ARHGAP44: variants seen among roughly 807,000 people sequenced by gnomAD.
ARHGAP44 encodes rho GTPase-activating protein 44.
Under a neutral mutation model 106.8 loss-of-function variants are expected in ARHGAP44, and 43 were observed. The observed-to-expected ratio is 0.40, with a 90% confidence interval of 0.32 to 0.52. ARHGAP44 has a LOEUF of 0.52. ARHGAP44 is among the 20% of genes least tolerant of loss of function. ARHGAP44 has a pLI of 0.48. For missense variants in ARHGAP44, 866 were observed against 1,050.5 expected (o/e 0.82, Z 2.43); for synonymous variants, 439 against 410.3 (o/e 1.07, Z -0.85).
intron 1 of ARHGAP44, among the ~76,000 whole-genome samples, chr17:12,883,384 T>C (rs2036793845): frequency 6.6e-6 from 1 of 151,736 alleles, no homozygotes; most frequent in Non-Finnish European, 1.5e-5. Flanking sequence ...AGTTTCTTTT[T>C]TTATTGTTTT....
chr17:12,852,731 C>T (rs149604752), intron 1 of ARHGAP44, among the ~76,000 whole-genome samples: 1 of 152,028 alleles, frequency 6.6e-6, no homozygotes, highest in African/African-American at 2.4e-5. Context: ...TTAGTAGAGA[C>T]GGGGTTTCAC....
intron 16 of ARHGAP44, among the ~76,000 whole-genome samples, chr17:12,963,438 C>T (rs915373902): frequency 2.6e-5 from 4 of 152,230 alleles, no homozygotes; most frequent in African/African-American, 7.2e-5. Context: ...AGCCCTCAAG[C>T]CCAGCTGAGC....
intron 1 of ARHGAP44, among the ~76,000 whole-genome samples, chr17:12,856,602 T>C (rs1433461697): frequency 6.6e-6 from 1 of 152,152 alleles, no homozygotes; most frequent in Non-Finnish European, 1.5e-5. Flanking sequence ...TTTCTAAACT[T>C]TTGAAAGGCT....
chr17:12,896,051 A>G (rs1458334120), intron 2 of ARHGAP44, among the ~76,000 whole-genome samples: 1 of 146,836 alleles, frequency 6.8e-6, no homozygotes, highest in East Asian at 2.1e-4. Flanking sequence ...GGAATTGAAC[A>G]ATGAGAACAC....
intron 5 of ARHGAP44, among the ~76,000 whole-genome samples, chr17:12,918,357 A>T (rs1289753600): frequency 5.3e-5 from 8 of 152,042 alleles, no homozygotes; most frequent in African/African-American, 1.9e-4. Context: ...TTCTCCTCGA[A>T]TTTTTTCCTT....
chr17:12,872,702 A>G (rs1174982838), intron 1 of ARHGAP44, among the ~76,000 whole-genome samples: 2 of 152,260 alleles, frequency 1.3e-5, no homozygotes, highest in South Asian at 2.1e-4. Context: ...CTCACAGTTC[A>G]GGACCTTTCA....
Position 12,789,755 on chromosome 17 carries a change from C to CG in ARHGAP44, c.-83dup. ...CGCCGCCGTCGCCCGGGAGGCTCCGCGCGGGAGCCATGTAACCCTGCGGCG... is the reference window on the plus strand; with the variant it reads ...CGCCGCCGTCGCCCGGGAGGCTCCGCGGCGGGAGCCATGTAACCCTGCGGCG... On this transcript the variant is annotated 5_prime_UTR_variant, in exon 1 of 21. Transcript: ENST00000379672. 7.9e-7 allele frequency: 1 copy of CG among 1,259,328 alleles called. No homozygotes were observed. The highest frequency in any genetic ancestry group is 1.0e-6 in the Non-Finnish European group (1 of 969,900). The allele number at this position is 1,259,328 out of a possible 1,614,324, so 78.0% of individuals were successfully genotyped here.
intron 1 of ARHGAP44, among the ~76,000 whole-genome samples, chr17:12,823,673 T>C (rs1320898601): frequency 6.6e-6 from 1 of 152,156 alleles, no homozygotes; most frequent in Non-Finnish European, 1.5e-5. Context: ...GTTTCCTCCA[T>C]CAACATTTGA....
Position 12,919,832 on chromosome 17 carries a change from G to T in ARHGAP44, c.464+1G>T. On this transcript the variant is annotated splice_donor_variant, in intron 6 of 20. Transcript: ENST00000379672. LOFTEE classifies it high-confidence loss of function. ...TGGACATGGATTCCTCACGAACCAG[G>T]TAGAATCTCTTTACTTTCTTTTTTG... The T allele has an allele frequency of 6.2e-7, 1 of 1,611,156 alleles. No homozygotes were observed. The highest frequency in any genetic ancestry group is 8.5e-7 in the Non-Finnish European group (1 of 1,178,704).
At chr17:12,822,516 G>C (rs1045747120) in intron 1 of ARHGAP44, among the ~76,000 whole-genome samples, 5 of 152,138 alleles carry the variant, frequency 3.3e-5, no homozygotes, top group Non-Finnish European at 5.9e-5. Context: ...GGTCTATGAA[G>C]CATAAGTAAG....
In ARHGAP44 at chr17:12,975,216, CAG is replaced by C. The variant is rs545211846; in HGVS notation, c.1763+908_1763+909del. Among the ~76,000 whole-genome samples the C allele has an allele frequency of 1.4e-4, 21 of 152,262 alleles. No individual in the cohort carries two copies. The South Asian group carries it at 4.4e-3, about 32-fold the overall frequency. ...AGTTGACCACAGGTAACTGAAACTA[CAG>C]AAAGTAAAACCACGGATAAGGGGGA... On this transcript the variant is annotated intron_variant, in intron 18 of 20. Transcript: ENST00000379672.
rs1366561591 is a variant in ARHGAP44 at position 12,907,755 on chromosome 17, T to G, written c.199-1142T>G. Among the ~76,000 whole-genome samples, 3 of 152,372 alleles carry G rather than the reference T, an allele frequency of 2.0e-5. No homozygotes were observed. The East Asian group carries it at 5.8e-4, about 29-fold the overall frequency. On this transcript the variant is annotated intron_variant, in intron 3 of 20. Transcript: ENST00000379672. Reference sequence around the variant, plus strand: ...TGAGTTGTTCCCACCTTTTGGCCTTTGTGAATAGTGTTGCTCTTCACATTT... The same window carrying G: ...TGAGTTGTTCCCACCTTTTGGCCTTGGTGAATAGTGTTGCTCTTCACATTT...
At chr17:12,913,990 AG>A (rs1313951195) in intron 4 of ARHGAP44, among the ~76,000 whole-genome samples, 1 of 147,340 alleles carries the variant, frequency 6.8e-6, no homozygotes, top group African/African-American at 2.5e-5. Flanking sequence ...AAAAAAAAAA[AG>A]GCACCATTAA....
At chr17:12,922,801 G>T (rs2038123297) in intron 6 of ARHGAP44, among the ~76,000 whole-genome samples, 1 of 152,124 alleles carries the variant, frequency 6.6e-6, no homozygotes, top group South Asian at 2.1e-4. Context: ...GTTTCGCCAT[G>T]TTGGCCAGGC....
chr17:12,868,903 A>G (rs1194894367), intron 1 of ARHGAP44, among the ~76,000 whole-genome samples: 3 of 151,378 alleles, frequency 2.0e-5, no homozygotes, highest in Middle Eastern at 3.2e-3. Context: ...TGATCCACCC[A>G]CCTTGGCCTC....
chr17:12,903,126 G>GGAGAGAGAGAGA lies in ARHGAP44; in HGVS notation c.199-5767_199-5756dup, dbSNP rs1555553546. On this transcript the variant is annotated intron_variant, in intron 3 of 20. Coordinates refer to ENST00000379672, the MANE Select transcript of ARHGAP44 (RefSeq NM_014859.6). ...AGAGAGAGAGAGAGAGAGAGAGAGAGGAGAGAGAGAGAGAGTGTGTGTGTG... is the reference window on the plus strand; with the variant it reads ...AGAGAGAGAGAGAGAGAGAGAGAGAGGAGAGAGAGAGAGAGAGAGAGAGAGAGTGTGTGTGTG... Among the ~76,000 whole-genome samples the GGAGAGAGAGAGA allele has an allele frequency of 3.4e-4, 24 of 70,752 alleles. No homozygotes were observed. The East Asian group carries it at 3.6e-3, about 11-fold the overall frequency. 46.4% of individuals were successfully genotyped at this position (70,752 alleles called of 152,430 possible). A position where few individuals can be genotyped will look rare whatever the true frequency, so the allele number is the denominator to read the frequency against.
At chr17:12,922,561 T>C (rs1214180474) in intron 6 of ARHGAP44, among the ~76,000 whole-genome samples, 4 of 152,192 alleles carry the variant, frequency 2.6e-5, no homozygotes, top group Non-Finnish European at 4.4e-5. Flanking sequence ...TTTCTTTGCA[T>C]CTACAAAGAA....
intron 1 of ARHGAP44, among the ~76,000 whole-genome samples, chr17:12,851,275 A>G (rs1302450096): frequency 2.0e-5 from 3 of 152,194 alleles, no homozygotes; most frequent in African/African-American, 4.8e-5. Flanking sequence ...TGAGTTGGTT[A>G]TAATAGGAAC....
At chr17:12,934,248 T>A (rs7208100) in intron 7 of ARHGAP44, among the ~76,000 whole-genome samples, 37,869 of 152,094 alleles carry the variant, frequency 0.25, 5,082 homozygotes, top group East Asian at 0.54. Context: ...TCCATTTTAT[T>A]CTTCTTCAAT....
Sources: gnomAD v4.1 joint callset for allele counts (sites outside exome capture counted in the v4.1 genomes callset) on GRCh38, gnomAD v4.1.1 for gene constraint, MANE v1.5 for transcripts, NCBI Gene and HGNC (gene_info 2026-07-23, HGNC 2026-07-21) for gene names.